Variants in FKBP6 observed in about 807,000 individuals in gnomAD.
FKBP6 encodes the protein FKBP prolyl isomerase family member 6 (inactive), also known as inactive peptidyl-prolyl cis-trans isomerase FKBP6.
A neutral mutation model predicts 41.7 loss-of-function variants in FKBP6; 29 were observed. The observed-to-expected ratio is 0.70, with a 90% CI of 0.52 to 0.95. The LOEUF (loss-of-function observed/expected upper bound fraction) is 0.95. Among genes scored for constraint, FKBP6 ranks in the 40% least tolerant of loss-of-function variants. FKBP6 has a pLI of 0.00. For synonymous variants in FKBP6, 130 were observed against 165.1 expected (o/e 0.79, Z 1.63); for missense variants, 338 against 408.7 (o/e 0.83, Z 1.49).
chr7:73,340,024 T>C (rs1805125156), intron 5 of FKBP6, among the ~76,000 whole-genome samples: 1 of 152,246 alleles, frequency 6.6e-6, no homozygotes, highest in Non-Finnish European at 1.5e-5. Context: ...CATCTTAATA[T>C]TGTCTTCCAA....
At chr7:73,341,445 C>A in intron 7 of FKBP6, 63 bp downstream of exon 7, 1 of 1,002,706 alleles carries the variant, frequency 1.0e-6, no homozygotes, top group Non-Finnish European at 1.6e-6. Flanking sequence ...GTCTGTCCCC[C>A]CACCCCCCCC....
chr7:73,330,022 C>T, intron 3 of FKBP6, 128 bp from the exon 4 acceptor site: 3 of 736,322 alleles, frequency 4.1e-6, no homozygotes, highest in East Asian at 2.7e-5. Flanking sequence ...GAAGACATTG[C>T]AGGAAGAGGG....
At chr7:73,341,101 T>G (rs1805167824) in intron 6 of FKBP6, among the ~76,000 whole-genome samples, 172 bp from the exon 7 acceptor site, 1 of 151,932 alleles carries the variant, frequency 6.6e-6, no homozygotes, top group Non-Finnish European at 1.5e-5. Flanking sequence ...TTTTTGTAGT[T>G]TTAGTAGAGA....
chr7:73,350,770 G>GAGC, intron 8 of FKBP6, among the ~76,000 whole-genome samples: 1 of 152,302 alleles, frequency 6.6e-6, no homozygotes, highest in African/African-American at 2.4e-5. Context: ...GTGAGCCCCG[G>GAGC]AGCAGCGGGC....
chr7:73,353,906 GT>G (rs1212944285), intron 8 of FKBP6, among the ~76,000 whole-genome samples: 1 of 151,980 alleles, frequency 6.6e-6, no homozygotes, highest in Non-Finnish European at 1.5e-5. Context: ...GCTTATTTTT[GT>G]TATTTTTAGT....
At chr7:73,348,908 C>G (rs1272147639) in intron 8 of FKBP6, among the ~76,000 whole-genome samples, 1 of 151,946 alleles carries the variant, frequency 6.6e-6, no homozygotes, top group Non-Finnish European at 1.5e-5. Context: ...AGTTAAAGAC[C>G]AGCCTGGGCA....
chr7:73,352,300 G>A (rs1263949732), intron 8 of FKBP6, among the ~76,000 whole-genome samples: 3 of 152,190 alleles, frequency 2.0e-5, no homozygotes, highest in Non-Finnish European at 4.4e-5. Flanking sequence ...CTGTGGAGTT[G>A]TTTATGCTTC....
At chr7:73,341,453 C>G (rs1032047457) in intron 7 of FKBP6, 71 bp downstream of exon 7, 73 of 968,040 alleles carry the variant, frequency 7.5e-5, no homozygotes, top group Admixed American at 1.9e-4. Context: ...CCCCACCCCC[C>G]CCAACAAAGG....
intron 8 of FKBP6, among the ~76,000 whole-genome samples, chr7:73,354,585 A>G (rs1805577345): frequency 6.6e-6 from 1 of 152,198 alleles, no homozygotes; most frequent in Non-Finnish European, 1.5e-5. Flanking sequence ...CCCTCAGTTG[A>G]TATTTTTGGA....
At chr7:73,331,386 G>A (rs1554547658) in intron 4 of FKBP6, among the ~76,000 whole-genome samples, 14 of 152,184 alleles carry the variant, frequency 9.2e-5, no homozygotes, top group Non-Finnish European at 2.9e-5. Context: ...TGTAAAATGG[G>A]ACAGGTTATA....
chr7:73,334,272 C>A (rs1804936890), intron 5 of FKBP6, among the ~76,000 whole-genome samples: 1 of 152,130 alleles, frequency 6.6e-6, no homozygotes, highest in Non-Finnish European at 1.5e-5. Context: ...GGAAACTTTT[C>A]CTCCACTCTG....
At chr7:73,340,091 CA>C (rs1297317775) in intron 5 of FKBP6, among the ~76,000 whole-genome samples, 15 of 148,506 alleles carry the variant, frequency 1.0e-4, no homozygotes, top group Non-Finnish European at 1.8e-4. Flanking sequence ...TTTCTTTCAA[CA>C]ACCATTTTGT....
intron 5 of FKBP6, 137 bp downstream of exon 5, chr7:73,331,913 G>A (rs546867226): frequency 1.2e-6 from 1 of 843,486 alleles, no homozygotes; most frequent in Admixed American, 2.0e-5. Context: ...GCCCAGGCTG[G>A]AGTGCAGTGG....
intron 5 of FKBP6, chr7:73,336,987 G>A (rs1805025341): frequency 1.2e-5 from 4 of 327,402 alleles, no homozygotes; most frequent in South Asian, 7.1e-5. Context: ...TTTAAACCAA[G>A]GAATAACTGG....
intron 8 of FKBP6, among the ~76,000 whole-genome samples, chr7:73,355,869 A>G (rs1340312580): frequency 1.3e-5 from 2 of 152,114 alleles, no homozygotes; most frequent in African/African-American, 4.8e-5. Flanking sequence ...GATCGAGACC[A>G]TCCTGGCTAA....
At position 73,341,274 on chromosome 7, in the gene FKBP6, C is replaced by T; in HGVS notation, c.785C>T (p.Ala262Val). The change falls in exon 7 of 9, where the codon GCT becomes GTT. Residue 262 changes from alanine to valine, a missense_variant and splice_region_variant. This residue lies in a region of FKBP6 where 239 missense variants were observed against 250.1 expected (regional missense o/e 0.96). Transcript: ENST00000252037. The part of the protein sequence containing the change: ...NAKALFRCGQ[A>V]CLLLTEYQKA... ...TTTAAAGTTCTCTCCTTGGGACAGG[C>T]TTGTCTTCTCCTGACTGAGTATCAA... The T allele has an allele frequency of 6.2e-7, 1 of 1,603,096 alleles. No individual in the cohort carries two copies. Among genetic ancestry groups the T allele is most frequent in the African/African-American group, 1.3e-5 (1 of 74,842 alleles).
intron 5 of FKBP6, among the ~76,000 whole-genome samples, chr7:73,340,113 G>A (rs1417183055): frequency 6.6e-6 from 1 of 152,164 alleles, no homozygotes; most frequent in Non-Finnish European, 1.5e-5. Flanking sequence ...AGTTTTCAGT[G>A]TGCAAGTCTT....
intron 6 of FKBP6, 85 bp downstream of exon 6, chr7:73,340,917 C>CT (rs368227645): frequency 0.064 from 29,598 of 460,394 alleles, 99 homozygotes; most frequent in South Asian, 0.099. Context: ...AAAATGCTGT[C>CT]TTTTTTTTTT....
chr7:73,354,611 T>C (rs1477870578), intron 8 of FKBP6, among the ~76,000 whole-genome samples: 1 of 152,172 alleles, frequency 6.6e-6, no homozygotes, highest in East Asian at 1.9e-4. Context: ...CCAGATTAGG[T>C]TCTTAAGATT....
Sources: allele counts gnomAD v4.1 joint callset (sites outside exome capture counted in the v4.1 genomes callset), GRCh38; gene constraint gnomAD v4.1.1; regional missense constraint gnomAD v4.1.1; transcripts MANE v1.5; gene names NCBI Gene and HGNC (gene_info 2026-07-23, HGNC 2026-07-21).